Variants in TAFA2 observed in about 807,000 individuals in gnomAD.
The protein encoded by TAFA2 is chemokine-like protein TAFA-2.
Under a neutral mutation model 18.8 loss-of-function variants are expected in TAFA2, and 7 were observed. That is an observed-to-expected ratio of 0.37 (90% CI 0.21 to 0.70). The LOEUF (loss-of-function observed/expected upper bound fraction) is 0.70. Ranked by LOEUF, TAFA2 falls within the 30% of genes least tolerant of loss-of-function variation. The probability of loss-of-function intolerance (pLI) is 0.53; values close to 1 mark genes in which losing one functional copy is unlikely to be tolerated. For missense variants in TAFA2, 122 were observed against 158.1 expected (o/e 0.77, Z 1.23); for synonymous variants, 60 against 54.2 (o/e 1.11, Z -0.47).
intron 1 of TAFA2, among the ~76,000 whole-genome samples, chr12:62,221,205 G>C (rs1276961165): frequency 8.5e-6 from 1 of 117,204 alleles, no homozygotes; most frequent in East Asian, 2.5e-4. Flanking sequence ...AAGGAGGGAA[G>C]GAAGGAAGGG....
intron 2 of TAFA2, among the ~76,000 whole-genome samples, chr12:61,849,621 CTTAAA>C (rs1329440202): frequency 6.6e-6 from 1 of 152,262 alleles, no homozygotes; most frequent in African/African-American, 2.4e-5. Context: ...ACAGGAGACA[CTTAAA>C]TTATTTTCCA....
At chr12:62,029,789 G>A (rs1881404791) in intron 1 of TAFA2, among the ~76,000 whole-genome samples, 1 of 149,782 alleles carries the variant, frequency 6.7e-6, no homozygotes, top group Non-Finnish European at 1.5e-5. Context: ...CCACACGGAA[G>A]AACCACATTA....
chr12:61,752,062 T>G (rs1208299549), intron 4 of TAFA2, among the ~76,000 whole-genome samples: 1 of 152,056 alleles, frequency 6.6e-6, no homozygotes, highest in Non-Finnish European at 1.5e-5. Context: ...TGGAACTACA[T>G]GTTTTGAAAC....
At chr12:61,918,995 G>A (rs1342819550) in intron 1 of TAFA2, among the ~76,000 whole-genome samples, 2 of 152,174 alleles carry the variant, frequency 1.3e-5, no homozygotes, top group Non-Finnish European at 2.9e-5. Context: ...CAATCTCTTT[G>A]GGTTGTTGCA....
intron 1 of TAFA2, chr12:62,234,769 G>C (rs968463480): frequency 1.9e-6 from 2 of 1,079,708 alleles, no homozygotes; most frequent in African/African-American, 3.1e-5. Context: ...TCTGCTGTCT[G>C]TGGAGCAGGT....
At chr12:61,931,161 A>C (rs553278116) in intron 1 of TAFA2, among the ~76,000 whole-genome samples, 1 of 152,334 alleles carries the variant, frequency 6.6e-6, no homozygotes, top group African/African-American at 2.4e-5. Context: ...TCTGTGATTA[A>C]AGTGTATTAC....
chr12:61,906,864 G>A (rs1024504569), intron 1 of TAFA2, among the ~76,000 whole-genome samples: 2 of 152,172 alleles, frequency 1.3e-5, no homozygotes, highest in Non-Finnish European at 2.9e-5. Flanking sequence ...GCAGAATTTT[G>A]CCCCTGCTCT....
At chr12:62,130,413 G>C (rs1360018881) in intron 1 of TAFA2, among the ~76,000 whole-genome samples, 3 of 151,768 alleles carry the variant, frequency 2.0e-5, no homozygotes, top group Non-Finnish European at 4.4e-5. Context: ...CAATTCAAGG[G>C]GGTAAGGAAT....
intron 1 of TAFA2, among the ~76,000 whole-genome samples, chr12:61,871,461 C>G (rs1874598713): frequency 6.6e-6 from 1 of 152,174 alleles, no homozygotes; most frequent in Admixed American, 6.5e-5. Context: ...CTGCCACATT[C>G]ATTTGTGAAA....
intron 2 of TAFA2, among the ~76,000 whole-genome samples, chr12:61,856,970 A>T (rs1873911426): frequency 6.6e-6 from 1 of 151,772 alleles, no homozygotes; most frequent in Non-Finnish European, 1.5e-5. Context: ...TAAATACAGT[A>T]TAGTCTTAAT....
At chr12:62,104,662 T>C in intron 1 of TAFA2, 1 of 455,186 alleles carries the variant, frequency 2.2e-6, no homozygotes, top group Non-Finnish European at 4.4e-6. Context: ...TACATACATA[T>C]TTTCAAGATA....
At chr12:61,842,032 A>G (rs1873206800) in intron 2 of TAFA2, among the ~76,000 whole-genome samples, 1 of 152,010 alleles carries the variant, frequency 6.6e-6, no homozygotes, top group African/African-American at 2.4e-5. Flanking sequence ...TATCAGAAAA[A>G]TATTACTCTA....
In TAFA2 at chr12:61,734,331, G is replaced by A. The variant is rs537571651; in HGVS notation, c.384+19291C>T. Among the ~76,000 whole-genome samples the A allele has an allele frequency of 1.1e-3, 160 of 144,392 alleles. 2 individuals carry two copies. Among genetic ancestry groups the A allele is most frequent in the African/African-American group, 3.8e-3 (147 of 38,922 alleles). The allele number at this position is 144,392 out of a possible 152,430, so 94.7% of individuals were successfully genotyped here. A position where few individuals can be genotyped will look rare whatever the true frequency, so the allele number is the denominator to read the frequency against. On this transcript the variant is annotated intron_variant, in intron 4 of 4. Coordinates refer to ENST00000416284, the MANE Select transcript of TAFA2 (RefSeq NM_178539.5). ...TTGAACATTGAAAACACATGGACAT[G>A]GGAAGGGGAACATCACACTCTGGGG...
intron 2 of TAFA2, among the ~76,000 whole-genome samples, chr12:61,854,001 CT>C (rs1470375457): frequency 2.6e-5 from 4 of 152,116 alleles, no homozygotes; most frequent in Non-Finnish European, 5.9e-5. Context: ...TGTATTAACA[CT>C]AGTGGTTCTC....
intron 2 of TAFA2, among the ~76,000 whole-genome samples, chr12:61,777,695 C>T (rs892088260): frequency 5.9e-5 from 9 of 151,502 alleles, no homozygotes; most frequent in Non-Finnish European, 7.4e-5. Flanking sequence ...CTTAACCTCT[C>T]GGTGCCTTAA....
chr12:62,215,744 C>CTCTTGCTTAAGAGAAACAACTTGTTTA (rs2062732488), intron 1 of TAFA2, among the ~76,000 whole-genome samples: 1 of 136,252 alleles, frequency 7.3e-6, no homozygotes. Context: ...CAACTTGTTT[C>CTCTTGCTTAAGAGAAACAACTTGTTTA]TCAAAAAAAA....
Position 61,756,195 on chromosome 12 carries a change from T to C in TAFA2, c.107-1171A>G, listed in dbSNP as rs76136148. On this transcript the variant is annotated intron_variant, in intron 2 of 4. Transcript: ENST00000416284. ...AATCACACATATTTCCTACCTCTTA[T>C]CCTTCTGTGTGAGACCAAGAAACTC... Among the ~76,000 whole-genome samples the C allele has an allele frequency of 1.2e-4, 18 of 152,214 alleles. 1 individual carries two copies. In the East Asian group the frequency reaches 3.5e-3, roughly 30 times the overall value.
chr12:61,934,425 AAAGTT>A (rs1877683188), intron 1 of TAFA2, among the ~76,000 whole-genome samples: 1 of 152,234 alleles, frequency 6.6e-6, no homozygotes, highest in African/African-American at 2.4e-5. Flanking sequence ...GACACAAATT[AAAGTT>A]AAGTACTGGG....
In TAFA2 at chr12:62,191,820, TCA is replaced by T. The variant is rs923412932; in HGVS notation, c.-565_-564del. On this transcript the variant is annotated 5_prime_UTR_variant, in exon 1 of 5. An upstream open reading frame in the 5' UTR loses its in-frame stop. Coordinates refer to ENST00000416284, the MANE Select transcript of TAFA2 (RefSeq NM_178539.5). ...TCTCGCCTCACGTCGTCTCTCCCTCTCACACACACACACACTCACACATCCTC... is the reference window on the plus strand; with the variant it reads ...TCTCGCCTCACGTCGTCTCTCCCTCTCACACACACACACTCACACATCCTC... 7 of 152,268 alleles carry T rather than the reference TCA, an allele frequency of 4.6e-5. No individual in the cohort carries two copies. Among genetic ancestry groups the T allele is most frequent in the East Asian group, 1.9e-4 (1 of 5,178 alleles). The allele number at this position is 152,268 out of a possible 1,614,324, so 9.4% of individuals were successfully genotyped here.
Sources: gnomAD v4.1 joint callset for allele counts (sites outside exome capture counted in the v4.1 genomes callset) on GRCh38, gnomAD v4.1.1 for gene constraint, MANE v1.5 for transcripts, NCBI Gene and HGNC (gene_info 2026-07-23, HGNC 2026-07-21) for gene names.